KRTAP10-11: variants seen among roughly 807,000 people sequenced by gnomAD.
The protein encoded by KRTAP10-11 is keratin associated protein 10-11, also known as keratin-associated protein 10-11.
For synonymous variants in KRTAP10-11, 188 were observed against 161.1 expected, an observed-to-expected ratio of 1.17 and a Z score of -1.27; for missense variants, 401 against 378.8, an observed-to-expected ratio of 1.06 and a Z score of -0.49.
In KRTAP10-11 at chr21:44,647,365, C is replaced by T. The variant is rs1555940413; in HGVS notation, c.*10C>T. 2.5e-6 allele frequency: 4 copies of T among 1,611,234 alleles called. No individual in the cohort carries two copies. The highest frequency in any genetic ancestry group is 1.7e-5 in the Admixed American group (1 of 59,972). ...GAAGTCCAGCTGCTGAGTGCTCAAT[C>T]CTTGTCTCCTGCTGACTGTGTCTTT... On this transcript the variant is annotated 3_prime_UTR_variant, in exon 1 of 1. Coordinates refer to ENST00000334670, the MANE Select transcript of KRTAP10-11 (RefSeq NM_198692.3).
Position 44,646,476 on chromosome 21 carries a change from G to A in KRTAP10-11, c.18G>A (p.Met6Ile), listed in dbSNP as rs1555939735. 6.2e-7 allele frequency: 1 copy of A among 1,612,594 alleles called. No homozygotes were observed. Among genetic ancestry groups the A allele is most frequent in the Admixed American group, 1.7e-5 (1 of 59,986 alleles). MAAST[M>I]SVCSSAYSDS... ...ACCCCAGCATGGCCGCGTCCACCAT[G>A]TCTGTCTGCTCCAGCGCTTACTCCG... The change falls in exon 1 of 1, where the codon ATG (methionine) becomes ATA (isoleucine). Residue 6 changes from methionine to isoleucine, a missense_variant. Physicochemically the swap from Met to Ile is conservative, Grantham distance 10. Transcript: ENST00000334670.
In KRTAP10-11 at chr21:44,646,548, C is replaced by A. The variant is rs782464169; in HGVS notation, c.90C>A (p.Pro30=). The change falls in exon 1 of 1, where the codon CCC becomes CCA. Residue 30 remains proline, a synonymous_variant. Coordinates refer to ENST00000334670, the MANE Select transcript of KRTAP10-11 (RefSeq NM_198692.3). Reference sequence around the variant, plus strand: ...GCCCAGAGAGCTGCTGTGAGCCCCCCTGCAGCGCCCCCAGCTGCTGCGCCC... The same window carrying A: ...GCCCAGAGAGCTGCTGTGAGCCCCCATGCAGCGCCCCCAGCTGCTGCGCCC... ...DDCPESCCEP[P]CSAPSCCAPA... The A allele has an allele frequency of 1.7e-5, 28 of 1,612,496 alleles. No individual in the cohort carries two copies. Among genetic ancestry groups the A allele is most frequent in the Non-Finnish European group, 2.3e-5 (27 of 1,179,958 alleles).
chr21:44,647,524 G>A lies in KRTAP10-11; in HGVS notation c.*169G>A, dbSNP rs769193938. 2 of 817,512 alleles carry A rather than the reference G, an allele frequency of 2.4e-6. No individual in the cohort carries two copies. The highest frequency in any genetic ancestry group is 3.8e-6 in the Non-Finnish European group (2 of 522,384). The allele number at this position is 817,512 out of a possible 1,614,324, so 50.6% of individuals were successfully genotyped here. ...CACTTTCCTCCCCACTGTCTGGGAAGAGACAACCCACAAATCCCTCAGCAG... is the reference window on the plus strand; with the variant it reads ...CACTTTCCTCCCCACTGTCTGGGAAAAGACAACCCACAAATCCCTCAGCAG... On this transcript the variant is annotated 3_prime_UTR_variant, in exon 1 of 1. Transcript: ENST00000334670.
rs782491986 is a variant in KRTAP10-11 at position 44,647,381 on chromosome 21, CTG to C, written c.*30_*31del. The C allele has an allele frequency of 3.1e-5, 50 of 1,605,118 alleles. No homozygotes were observed. The African/African-American group carries it at 4.3e-4, about 14-fold the overall frequency. ...GTGCTCAATCCTTGTCTCCTGCTGA[CTG>C]TGTCTTTGCTGCCAAGCAGGATTCT... On this transcript the variant is annotated 3_prime_UTR_variant, in exon 1 of 1. Coordinates refer to ENST00000334670, the MANE Select transcript of KRTAP10-11 (RefSeq NM_198692.3).
In KRTAP10-11 at chr21:44,647,413, T is replaced by A; in HGVS notation, c.*58T>A. 1 of 1,570,664 alleles carries A rather than the reference T, an allele frequency of 6.4e-7. No individual in the cohort carries two copies. Among genetic ancestry groups the A allele is most frequent in the South Asian group, 1.2e-5 (1 of 83,996 alleles). ...TTTGCTGCCAAGCAGGATTCTCCAG[T>A]CTCAGGAGCCCCTGGAGTCCTCAGA... On this transcript the variant is annotated 3_prime_UTR_variant, in exon 1 of 1. Transcript: ENST00000334670.
Position 44,646,468 on chromosome 21 carries a change from T to C in KRTAP10-11, c.10T>C (p.Ser4Pro), listed in dbSNP as rs781968273. Residue 4 changes from serine to proline, a missense_variant, in exon 1 of 1, where the codon TCC (serine) becomes CCC (proline). Physicochemically the swap from Ser to Pro is moderately conservative, Grantham distance 74. Transcript: ENST00000334670. Reference protein sequence around the residue: MAASTMSVCSSAYS... With the variant: MAAPTMSVCSSAYS... ...TCCTCCCCACCCCAGCATGGCCGCG[T>C]CCACCATGTCTGTCTGCTCCAGCGC... 1 of 1,610,614 alleles carries C rather than the reference T, an allele frequency of 6.2e-7. No homozygotes were observed. The highest frequency in any genetic ancestry group is 2.2e-5 in the East Asian group (1 of 44,816).
At position 44,647,384 on chromosome 21, in the gene KRTAP10-11, T is replaced by G. The variant is rs1555940431; in HGVS notation, c.*29T>G. The G allele has an allele frequency of 6.2e-7, 1 of 1,602,584 alleles. No homozygotes were observed. The highest frequency in any genetic ancestry group is 8.5e-7 in the Non-Finnish European group (1 of 1,172,616). ...CTCAATCCTTGTCTCCTGCTGACTG[T>G]GTCTTTGCTGCCAAGCAGGATTCTC... On this transcript the variant is annotated 3_prime_UTR_variant, in exon 1 of 1. Transcript: ENST00000334670.
rs782522630 is a variant in KRTAP10-11, at chr21:44,646,421, C to T, written c.-38C>T. ...ACTCACACACACACTCACACACTCA[C>T]TTACACCTCCCCCAGCTCACCTCCT... is the stretch of plus-strand genomic sequence containing the variant. On this transcript the variant is annotated 5_prime_UTR_variant, in exon 1 of 1. Coordinates refer to ENST00000334670, the MANE Select transcript of KRTAP10-11 (RefSeq NM_198692.3). The T allele has an allele frequency of 2.3e-5, 37 of 1,579,890 alleles. No individual in the cohort carries two copies. The East Asian group carries it at 7.2e-4, about 31-fold the overall frequency.
chr21:44,646,736 C>G lies in KRTAP10-11; in HGVS notation c.278C>G (p.Ser93Cys). 2 of 1,614,098 alleles carry G rather than the reference C, an allele frequency of 1.2e-6. No homozygotes were observed. The highest frequency in any genetic ancestry group is 8.5e-7 in the Non-Finnish European group (1 of 1,179,966). ...TGCCAGCCGGCTTGCTGCACCTCCT[C>G]CCCCTGCCAGCAGGCCTGCTGTGTG... is the stretch of plus-strand genomic sequence containing the variant. Reference protein sequence around the residue: ...SSCQPACCTSSPCQQACCVPV... With the variant: ...SSCQPACCTSCPCQQACCVPV... Residue 93 changes from serine to cysteine, a missense_variant, in exon 1 of 1, where the codon TCC becomes TGC. Physicochemically the swap from Ser to Cys is moderately radical, Grantham distance 112. Transcript: ENST00000334670.
At position 44,647,283 on chromosome 21, in the gene KRTAP10-11, C is replaced by T. The variant is rs782788372; in HGVS notation, c.825C>T (p.Ser275=). Residue 275 remains serine (S), a synonymous_variant, in exon 1 of 1, where the codon TCC becomes TCT. Coordinates refer to ENST00000334670, the MANE Select transcript of KRTAP10-11 (RefSeq NM_198692.3). The stretch of plus-strand genomic sequence containing the variant: ...GCTGCCGCCCGGCCTCCTGCGTGTC[C>T]CTCCTCTGCCGCCCCGCAAGCTCCC... The part of the protein sequence containing the change: ...SSCCRPASCV[S]LLCRPASSRL... 6.2e-7 allele frequency: 1 copy of T among 1,612,016 alleles called. No homozygotes were observed.
rs587599628 is a variant in KRTAP10-11, at chr21:44,647,236, A to T, written c.778A>T (p.Thr260Ser). Residue 260 changes from threonine (T) to serine (S), a missense_variant, in exon 1 of 1, where the codon ACC (threonine) becomes TCC (serine). Thr to Ser is a moderately conservative substitution (Grantham distance 58). Coordinates refer to ENST00000334670, the MANE Select transcript of KRTAP10-11 (RefSeq NM_198692.3). ...CVPVSSCCAPTSSCQSSCCRP... is the reference protein window; with the variant it reads ...CVPVSSCCAPSSSCQSSCCRP... Reference sequence around the variant, plus strand: ...GCCCGTCTCCTCCTGCTGTGCCCCCACCTCCTCCTGCCAGTCCAGCTGCTG... The same window carrying T: ...GCCCGTCTCCTCCTGCTGTGCCCCCTCCTCCTCCTGCCAGTCCAGCTGCTG... 1.9e-6 allele frequency: 3 copies of T among 1,589,256 alleles called. No homozygotes were observed. The highest frequency in any genetic ancestry group is 1.7e-4 in the Middle Eastern group (1 of 5,976).
Position 44,647,124 on chromosome 21 carries a change from G to C in KRTAP10-11, c.666G>C (p.Gln222His). The change falls in exon 1 of 1, where the codon CAG becomes CAC. Residue 222 changes from glutamine (Q) to histidine (H), a missense_variant. Coordinates refer to ENST00000334670, the MANE Select transcript of KRTAP10-11 (RefSeq NM_198692.3). The part of the protein sequence containing the change: ...SSSRCQQPSC[Q>H]PACCTTSCCR... Reference sequence around the variant, plus strand: ...CACGCTGCCAGCAGCCTAGCTGCCAGCCAGCTTGCTGCACCACCTCCTGCT... The same window carrying C: ...CACGCTGCCAGCAGCCTAGCTGCCACCCAGCTTGCTGCACCACCTCCTGCT... 6.2e-7 allele frequency: 1 copy of C among 1,614,084 alleles called. No homozygotes were observed.
Position 44,646,418 on chromosome 21 carries a change from T to C in KRTAP10-11, c.-41T>C. ...CTCACTCACACACACACTCACACACTCACTTACACCTCCCCCAGCTCACCT... is the reference window on the plus strand; with the variant it reads ...CTCACTCACACACACACTCACACACCCACTTACACCTCCCCCAGCTCACCT... On this transcript the variant is annotated 5_prime_UTR_variant, in exon 1 of 1. Coordinates refer to ENST00000334670, the MANE Select transcript of KRTAP10-11 (RefSeq NM_198692.3). 6.3e-7 allele frequency: 1 copy of C among 1,575,528 alleles called. No homozygotes were observed.
At position 44,646,440 on chromosome 21, in the gene KRTAP10-11, A is replaced by T; in HGVS notation, c.-19A>T. ...CACTCACTTACACCTCCCCCAGCTC[A>T]CCTCCTCCCCACCCCAGCATGGCCG... On this transcript the variant is annotated 5_prime_UTR_variant, in exon 1 of 1. Coordinates refer to ENST00000334670, the MANE Select transcript of KRTAP10-11 (RefSeq NM_198692.3). 2 of 1,588,690 alleles carry T rather than the reference A, an allele frequency of 1.3e-6. No individual in the cohort carries two copies. The highest frequency in any genetic ancestry group is 1.7e-6 in the Non-Finnish European group (2 of 1,167,898).
chr21:44,646,554 C>G lies in KRTAP10-11; in HGVS notation c.96C>G (p.Ser32Arg). 1 of 1,612,500 alleles carries G rather than the reference C, an allele frequency of 6.2e-7. No homozygotes were observed. The highest frequency in any genetic ancestry group is 1.1e-5 in the South Asian group (1 of 90,994). Residue 32 changes from serine to arginine, a missense_variant, in exon 1 of 1, where the codon AGC (serine) becomes AGG (arginine). Transcript: ENST00000334670. ...CPESCCEPPCSAPSCCAPAPS... is the reference protein window; with the variant it reads ...CPESCCEPPCRAPSCCAPAPS... Reference sequence around the variant, plus strand: ...AGAGCTGCTGTGAGCCCCCCTGCAGCGCCCCCAGCTGCTGCGCCCCGGCCC... The same window carrying G: ...AGAGCTGCTGTGAGCCCCCCTGCAGGGCCCCCAGCTGCTGCGCCCCGGCCC...
rs1984449909 is a variant in KRTAP10-11 at position 44,646,988 on chromosome 21, C to T, written c.530C>T (p.Ala177Val). 6.2e-7 allele frequency: 1 copy of T among 1,613,668 alleles called. No individual in the cohort carries two copies. Among genetic ancestry groups the T allele is most frequent in the Non-Finnish European group, 8.5e-7 (1 of 1,179,964 alleles). ...TGCCAGCAGTCTAGCTGCCAGCCAG[C>T]TTGCTGCACCTCCTCCTCCTACCAG... is the stretch of plus-strand genomic sequence containing the variant. ...SCCQQSSCQP[A>V]CCTSSSYQQA... The change falls in exon 1 of 1, where the codon GCT becomes GTT. Residue 177 changes from alanine to valine, a missense_variant. Coordinates refer to ENST00000334670, the MANE Select transcript of KRTAP10-11 (RefSeq NM_198692.3).
rs1418965894 is a variant in KRTAP10-11 at position 44,647,409 on chromosome 21, C to T, written c.*54C>T. ...TGTCTTTGCTGCCAAGCAGGATTCT[C>T]CAGTCTCAGGAGCCCCTGGAGTCCT... On this transcript the variant is annotated 3_prime_UTR_variant, in exon 1 of 1. Transcript: ENST00000334670. The T allele has an allele frequency of 1.3e-6, 2 of 1,578,802 alleles. No homozygotes were observed. Among genetic ancestry groups the T allele is most frequent in the Non-Finnish European group, 1.7e-6 (2 of 1,159,782 alleles).
At position 44,646,889 on chromosome 21, in the gene KRTAP10-11, C is replaced by T. The variant is rs782411971; in HGVS notation, c.431C>T (p.Pro144Leu). 22 of 1,612,234 alleles carry T rather than the reference C, an allele frequency of 1.4e-5. No homozygotes were observed. The East Asian group carries it at 1.8e-4, about 13-fold the overall frequency. ...PACCASSSCQ[P>L]ACCVPVCCKP... ...TGCTGTGCCTCTTCCTCCTGCCAGC[C>T]GGCCTGCTGTGTGCCCGTCTGCTGC... Residue 144 changes from proline (P) to leucine (L), a missense_variant, in exon 1 of 1, where the codon CCG becomes CTG. By Grantham distance (98) the Pro-to-Leu change is moderately conservative. Coordinates refer to ENST00000334670, the MANE Select transcript of KRTAP10-11 (RefSeq NM_198692.3).
rs377695090 is a variant in KRTAP10-11 at position 44,646,493 on chromosome 21, C to A, written c.35C>A (p.Ala12Asp). 1.7e-5 allele frequency: 27 copies of A among 1,613,044 alleles called. No individual in the cohort carries two copies. The highest frequency in any genetic ancestry group is 2.2e-5 in the Non-Finnish European group (26 of 1,179,958). Reference protein sequence around the residue: ...AASTMSVCSSAYSDSWQVDDC... With the variant: ...AASTMSVCSSDYSDSWQVDDC... ...TCCACCATGTCTGTCTGCTCCAGCG[C>A]TTACTCCGACTCCTGGCAGGTGGAC... Residue 12 changes from alanine (A) to aspartate (D), a missense_variant, in exon 1 of 1, where the codon GCT becomes GAT. Transcript: ENST00000334670.
Sources: allele counts gnomAD v4.1 joint callset, GRCh38; gene constraint gnomAD v4.1.1; transcripts MANE v1.5; gene names NCBI Gene and HGNC (gene_info 2026-07-23, HGNC 2026-07-21).